PKHD1L1: variants seen among roughly 807,000 people sequenced by gnomAD.
The protein encoded by PKHD1L1 is PKHD1 like 1.
In PKHD1L1, 434 loss-of-function variants were observed where a neutral mutation model predicts 462.9. The observed-to-expected ratio is 0.94, with a 90% CI of 0.87 to 1.02. PKHD1L1 has a LOEUF of 1.02. Ranked by LOEUF, PKHD1L1 falls within the 50% of genes least tolerant of loss-of-function variation. The pLI is 0.00. For synonymous variants in PKHD1L1, 1,781 were observed against 1,750.0 expected (o/e 1.02, Z -0.44); for missense variants, 5,202 against 5,096.1 (o/e 1.02, Z -0.63).
At chr8:109,503,948 T>A (rs972811771) in intron 67 of PKHD1L1, among the ~76,000 whole-genome samples, 1 of 151,942 alleles carries the variant, frequency 6.6e-6, no homozygotes, top group African/African-American at 2.4e-5. Flanking sequence ...GCGATAGGAG[T>A]GATAGAGCCA....
At chr8:109,411,023 G>A (rs9656792) in intron 19 of PKHD1L1, among the ~76,000 whole-genome samples, 44,903 of 151,418 alleles carry the variant, frequency 0.3, 7,231 homozygotes, top group Admixed American at 0.43. Context: ...CACCGCACCC[G>A]GCCTTGGTTT....
At chr8:109,459,542 A>G (rs2130813050) in intron 46 of PKHD1L1, 53 bp from the exon 47 acceptor site, 4 of 1,356,176 alleles carry the variant, frequency 2.9e-6, no homozygotes, top group Non-Finnish European at 3.9e-6. Flanking sequence ...CCAAAACAAT[A>G]TGTTATGTCA....
rs2130833480 is a variant in PKHD1L1 at position 109,465,086 on chromosome 8, G to A, written c.8254G>A (p.Val2752Ile). 6.2e-7 allele frequency: 1 copy of A among 1,613,808 alleles called. No individual in the cohort carries two copies. Among genetic ancestry groups the A allele is most frequent in the Non-Finnish European group, 8.5e-7 (1 of 1,179,788 alleles). ...HFMNFDRPNC[V>I]ALGVTSISGV... ...TATGAACTTTGACCGTCCCAACTGT[G>A]TAGCTTTGGGAGTGACATCCATCTC... Residue 2752 changes from valine (V) to isoleucine (I), a missense_variant, in exon 49 of 78, where the codon GTA becomes ATA. Around this residue, in one of 3 missense-constraint regions of PKHD1L1, gnomAD observed 4,497 missense variants for 4,336.8 expected, o/e 1.04. Coordinates refer to ENST00000378402, the MANE Select transcript of PKHD1L1 (RefSeq NM_177531.6).
At chr8:109,474,779 G>A (rs975131873) in intron 50 of PKHD1L1, among the ~76,000 whole-genome samples, 7 of 152,072 alleles carry the variant, frequency 4.6e-5, no homozygotes, top group Middle Eastern at 3.4e-3. Context: ...AGGCACTTTC[G>A]TTTTAGCAGT....
At position 109,482,914 on chromosome 8, in the gene PKHD1L1, C is replaced by A. The variant is rs1818340288; in HGVS notation, c.9458-73C>A. 6 of 841,618 alleles carry A rather than the reference C, an allele frequency of 7.1e-6. No homozygotes were observed. In the South Asian group the frequency reaches 1.3e-4, roughly 18 times the overall value. The allele number at this position is 841,618 out of a possible 1,614,324, so 52.1% of individuals were successfully genotyped here. ...TCACATAATAAAATATATCAATGAA[C>A]ATTTTCATTTTATACTAGCACCTAA... is the stretch of plus-strand genomic sequence containing the variant. On this transcript the variant is annotated intron_variant, in intron 56 of 77. Coordinates refer to ENST00000378402, the MANE Select transcript of PKHD1L1 (RefSeq NM_177531.6).
In PKHD1L1 at chr8:109,522,260, A is replaced by G. The variant is rs1193852353; in HGVS notation, c.12106A>G (p.Ser4036Gly). The change falls in exon 74 of 78, where the codon AGT (serine) becomes GGT (glycine). Residue 4036 changes from serine to glycine, a missense_variant. Ser to Gly is a moderately conservative substitution (Grantham distance 56). Coordinates refer to ENST00000378402, the MANE Select transcript of PKHD1L1 (RefSeq NM_177531.6). ...GQAVILGNIS[S>G]ILGFNISSMS... is the part of the protein sequence containing the mutation. ...AGCTGTAATTTTAGGAAACATCAGT[A>G]GTATCCTTGGATTTAACATTTCGTC... 1.2e-6 allele frequency: 2 copies of G among 1,602,802 alleles called. No individual in the cohort carries two copies. The highest frequency in any genetic ancestry group is 1.7e-6 in the Non-Finnish European group (2 of 1,170,496).
intron 17 of PKHD1L1, 41 bp downstream of exon 17, chr8:109,406,519 T>C: frequency 7.8e-6 from 12 of 1,531,636 alleles, no homozygotes; most frequent in Non-Finnish European, 1.1e-5. Context: ...AGGAAACAAA[T>C]GTATATCCTG....
intron 8 of PKHD1L1, among the ~76,000 whole-genome samples, chr8:109,389,709 G>A (rs1310908002): frequency 7.2e-5 from 11 of 152,052 alleles, no homozygotes; most frequent in Admixed American, 7.2e-4. Flanking sequence ...TGTATTTTTA[G>A]TAGAGATGGG....
chr8:109,452,239 C>T lies in PKHD1L1; in HGVS notation c.6466C>T (p.Pro2156Ser), dbSNP rs756290883. 1 of 1,610,776 alleles carries T rather than the reference C, an allele frequency of 6.2e-7. No individual in the cohort carries two copies. The highest frequency in any genetic ancestry group is 2.2e-5 in the East Asian group (1 of 44,728). Residue 2156 changes from proline (P) to serine (S), a missense_variant, in exon 42 of 78, where the codon CCA becomes TCA. Transcript: ENST00000378402. ...TGCCCATACTCTATCAGGGTGGGCT[C>T]CAGTTTGTGTCCACATCAGAGGTGT... ...TDAHTLSGWA[P>S]VCVHIRGVGM...
In PKHD1L1 at chr8:109,443,742, G is replaced by T. The variant is rs760532553; in HGVS notation, c.4631G>T (p.Ser1544Ile). 3.7e-6 allele frequency: 6 copies of T among 1,613,680 alleles called. No individual in the cohort carries two copies. In the African/African-American group the frequency reaches 6.7e-5, roughly 18 times the overall value. Reference protein sequence around the residue: ...AGCLATEPLCSLNNTRVKNSK... With the variant: ...AGCLATEPLCILNNTRVKNSK... ...TGCCTAGCAACAGAACCCCTGTGCA[G>T]CCTGAACAATACCAGGGTTAAAAAT... is the stretch of plus-strand genomic sequence containing the variant. The change falls in exon 37 of 78, where the codon AGC becomes ATC. Residue 1544 changes from serine (S) to isoleucine (I), a missense_variant. Transcript: ENST00000378402.
chr8:109,387,290 A>AAAAGATCAGGT (rs1812490587), intron 6 of PKHD1L1, among the ~76,000 whole-genome samples: 1 of 152,208 alleles, frequency 6.6e-6, no homozygotes, highest in Non-Finnish European at 1.5e-5. Context: ...CTTTTGATCT[A>AAAAGATCAGGT]AAAGATCAGG....
At chr8:109,375,404 A>G (rs187361994) in intron 2 of PKHD1L1, among the ~76,000 whole-genome samples, 2,671 of 152,046 alleles carry the variant, frequency 0.018, 37 homozygotes, top group Non-Finnish European at 0.024. Flanking sequence ...CCATTCGTCT[A>G]ATTTTTTTTC....
At chr8:109,444,190 C>T (rs1563549481) in intron 37 of PKHD1L1, among the ~76,000 whole-genome samples, 1 of 151,946 alleles carries the variant, frequency 6.6e-6, no homozygotes, top group Non-Finnish European at 1.5e-5. Flanking sequence ...CTAAGGTGGT[C>T]TCTAATCTAC....
chr8:109,413,005 ATC>A (rs1247119640), intron 20 of PKHD1L1, among the ~76,000 whole-genome samples: 1 of 151,994 alleles, frequency 6.6e-6, no homozygotes, highest in Non-Finnish European at 1.5e-5. Flanking sequence ...AGTGACATTC[ATC>A]TCTCTCTCTA....
At chr8:109,433,280 G>A (rs952102136) in intron 28 of PKHD1L1, 64 bp downstream of exon 28, 3 of 1,207,134 alleles carry the variant, frequency 2.5e-6, no homozygotes, top group African/African-American at 3.0e-5. Context: ...GAATCAAAGG[G>A]CAGTATTACA....
At chr8:109,391,819 A>G (rs560757927) in intron 9 of PKHD1L1, among the ~76,000 whole-genome samples, 2 of 152,274 alleles carry the variant, frequency 1.3e-5, no homozygotes, top group Admixed American at 6.5e-5. Flanking sequence ...TGGAACTGCA[A>G]TTGGTTTGTG....
chr8:109,404,634 A>G lies in PKHD1L1; in HGVS notation c.1454A>G (p.Tyr485Cys), dbSNP rs550450248. 23 of 1,609,022 alleles carry G rather than the reference A, an allele frequency of 1.4e-5. No individual in the cohort carries two copies. In the East Asian group the frequency reaches 4.0e-4, roughly 28 times the overall value. The change falls in exon 15 of 78, where the codon TAT becomes TGT. Residue 485 changes from tyrosine to cysteine, a missense_variant. This residue lies in a region of PKHD1L1 where 4,497 missense variants were observed against 4,336.8 expected (regional missense o/e 1.04). Coordinates refer to ENST00000378402, the MANE Select transcript of PKHD1L1 (RefSeq NM_177531.6). ...DVGLYQYRNVYTEQQTGDAVN... is the reference protein window; with the variant it reads ...DVGLYQYRNVCTEQQTGDAVN... ...GGACTGTACCAGTATCGAAATGTTTATACTGAACAACAAACAGGAGATGCA... is the reference window on the plus strand; with the variant it reads ...GGACTGTACCAGTATCGAAATGTTTGTACTGAACAACAAACAGGAGATGCA...
chr8:109,385,788 GGAAGATTCATTGACACAAAA>G (rs910919307), intron 6 of PKHD1L1, among the ~76,000 whole-genome samples, 158 bp downstream of exon 6: 4 of 151,410 alleles, frequency 2.6e-5, no homozygotes, highest in African/African-American at 9.7e-5. Context: ...ACAGACTATT[GGAAGATTCATTGACACAAAA>G]GCAATGGTCG....
At chr8:109,503,315 C>CAAA (rs35157030) in intron 67 of PKHD1L1, among the ~76,000 whole-genome samples, 6 of 132,658 alleles carry the variant, frequency 4.5e-5, no homozygotes, top group African/African-American at 1.3e-4. Context: ...CAAAAACAAA[C>CAAA]AAAAAAAAAA....
Sources: gnomAD v4.1 joint callset for allele counts (sites outside exome capture counted in the v4.1 genomes callset) on GRCh38, gnomAD v4.1.1 for gene constraint, gnomAD v4.1.1 regional missense constraint, MANE v1.5 for transcripts, NCBI Gene and HGNC (gene_info 2026-07-23, HGNC 2026-07-21) for gene names.